WWP2: variants seen among roughly 807,000 people sequenced by gnomAD.
The protein encoded by WWP2 is WW domain containing E3 ubiquitin protein ligase 2.
In WWP2, 57 loss-of-function variants were observed where a neutral mutation model predicts 121.0. The observed-to-expected ratio is 0.47, with a 90% CI of 0.38 to 0.59. The LOEUF (loss-of-function observed/expected upper bound fraction) is 0.59, where lower values mean the gene tolerates loss of function less well. Ranked by LOEUF, WWP2 falls within the 20% of genes least tolerant of loss-of-function variation. WWP2 has a pLI of 0.00. For synonymous variants in WWP2, 449 were observed against 441.3 expected, an observed-to-expected ratio of 1.02 and a Z score of -0.22; for missense variants, 962 against 1,158.9, an observed-to-expected ratio of 0.83 and a Z score of 2.47.
rs1259160749 is a variant in WWP2, at chr16:69,912,772, C to T, written c.1004+3922C>T. ...AAATGCGAATGAACACAGCTGGGCA[C>T]GGTGGCTCACACCTGTAATAGTAGA... On this transcript the variant is annotated intron_variant, in intron 9 of 23. Transcript: ENST00000359154. 6.0e-5 allele frequency among the ~76,000 whole-genome samples: 9 copies of T among 149,698 alleles called. No homozygotes were observed. The East Asian group carries it at 1.6e-3, about 26-fold the overall frequency.
intron 8 of WWP2, among the ~76,000 whole-genome samples, chr16:69,897,481 T>C (rs1244250089): frequency 6.6e-6 from 1 of 152,226 alleles, no homozygotes; most frequent in Non-Finnish European, 1.5e-5. Flanking sequence ...GAAGCTTCCA[T>C]GAACTCTCTG....
chr16:69,854,714 A>C (rs1384549791), intron 6 of WWP2, among the ~76,000 whole-genome samples: 5 of 151,742 alleles, frequency 3.3e-5, no homozygotes, highest in African/African-American at 1.2e-4. Context: ...CCACGCCTGG[A>C]TAATTTTTGT....
chr16:69,926,862 A>T (rs868202791), intron 11 of WWP2, among the ~76,000 whole-genome samples: 45 of 152,096 alleles, frequency 3.0e-4, no homozygotes, highest in African/African-American at 9.4e-4. Flanking sequence ...TTAAACAAGA[A>T]TCTGTACTGC....
chr16:69,906,122 G>A (rs1464980067), intron 8 of WWP2, among the ~76,000 whole-genome samples: 3 of 151,486 alleles, frequency 2.0e-5, no homozygotes, highest in Admixed American at 6.6e-5. Flanking sequence ...GCCCAGACTG[G>A]AGTGCAGTGG....
chr16:69,937,131 T>G lies in WWP2; in HGVS notation c.2131T>G (p.Trp711Gly), dbSNP rs936714284. The G allele has an allele frequency of 6.2e-7, 1 of 1,613,882 alleles. No homozygotes were observed. The highest frequency in any genetic ancestry group is 8.5e-7 in the Non-Finnish European group (1 of 1,179,960). Residue 711 changes from tryptophan (W) to glycine (G), a missense_variant, in exon 20 of 24, where the codon TGG becomes GGG. Physicochemically the swap from Trp to Gly is radical, Grantham distance 184. This residue lies in a region of WWP2 where 606 missense variants were observed against 772.6 expected (regional missense o/e 0.78). Coordinates refer to ENST00000359154, the MANE Select transcript of WWP2 (RefSeq NM_001270454.2). This position sits in a 1 kb window ranked among gnomAD's most constrained non-coding sequence, Gnocchi z 6.6. ...CTTTGGTCTCAGGCTGCTGACTGAC[T>G]GGCGTTTCACCCGAGGCGTGGAAGA... ...KEEYIMLLTD[W>G]RFTRGVEEQT...
intron 4 of WWP2, among the ~76,000 whole-genome samples, chr16:69,826,451 A>T (rs191007281): frequency 3.6e-4 from 54 of 151,684 alleles, no homozygotes; most frequent in African/African-American, 1.3e-3. Context: ...GGGTGCTTGT[A>T]GTCCCAGCTA....
chr16:69,805,845 A>G lies in WWP2; in HGVS notation c.340+6550A>G, dbSNP rs544407896. 2.0e-5 allele frequency among the ~76,000 whole-genome samples: 3 copies of G among 151,398 alleles called. 1 individual carries two copies. Among genetic ancestry groups the G allele is most frequent in the African/African-American group, 7.3e-5 (3 of 41,306 alleles). Reference sequence around the variant, plus strand: ...CAGGTTGGGTGTTGACTTTGTATCAAATATCTATTAAGCAGCCATTGGAAT... The same window carrying G: ...CAGGTTGGGTGTTGACTTTGTATCAGATATCTATTAAGCAGCCATTGGAAT... On this transcript the variant is annotated intron_variant, in intron 4 of 23. Coordinates refer to ENST00000359154, the MANE Select transcript of WWP2 (RefSeq NM_001270454.2).
At chr16:69,822,257 T>C (rs2056606748) in intron 4 of WWP2, among the ~76,000 whole-genome samples, 1 of 152,154 alleles carries the variant, frequency 6.6e-6, no homozygotes, top group Admixed American at 6.6e-5. Flanking sequence ...TAGGGCATTT[T>C]CTTAGGATCA....
chr16:69,924,328 G>A (rs72785073), intron 10 of WWP2, among the ~76,000 whole-genome samples: 8,417 of 152,198 alleles, frequency 0.055, 292 homozygotes, highest in Middle Eastern at 0.092. Context: ...GTGTGGCTCC[G>A]GCACCCCTAG....
intron 10 of WWP2, among the ~76,000 whole-genome samples, chr16:69,920,648 T>A (rs2151976701): frequency 6.6e-6 from 1 of 151,944 alleles, no homozygotes; most frequent in South Asian, 2.1e-4. Context: ...AACCGAATGT[T>A]GTGGTGCACA....
Position 69,791,945 on chromosome 16 carries a change from C to T in WWP2, c.70+4865C>T, listed in dbSNP as rs2055921493. ...AATTTTCTTACCAGGGTGGAAAGAG[C>T]CAGCTTGATAATACTGGTGTATCTC... On this transcript the variant is annotated intron_variant, in intron 2 of 23. Coordinates refer to ENST00000359154, the MANE Select transcript of WWP2 (RefSeq NM_001270454.2). 2.7e-5 allele frequency among the ~76,000 whole-genome samples: 4 copies of T among 150,428 alleles called. 1 individual carries two copies. The highest frequency in any genetic ancestry group is 2.6e-4 in the Admixed American group (4 of 15,170).
intron 4 of WWP2, among the ~76,000 whole-genome samples, chr16:69,824,211 C>T (rs1458536383): frequency 6.6e-6 from 1 of 152,188 alleles, no homozygotes; most frequent in East Asian, 1.9e-4. Context: ...AACATCAGAC[C>T]TCATTTATCT....
intron 4 of WWP2, among the ~76,000 whole-genome samples, chr16:69,821,858 A>C (rs1597000678): frequency 6.9e-6 from 1 of 145,232 alleles, no homozygotes; most frequent in Non-Finnish European, 1.5e-5. Context: ...ATGCCCGGCT[A>C]TTTTTCTTTG....
At chr16:69,869,904 C>G (rs780399445) in intron 6 of WWP2, among the ~76,000 whole-genome samples, 3 of 152,294 alleles carry the variant, frequency 2.0e-5, no homozygotes, top group Admixed American at 6.5e-5. Flanking sequence ...CAGGGTCGTT[C>G]TGCTGGAGGT....
At chr16:69,870,930 T>A (rs769100523) in intron 6 of WWP2, among the ~76,000 whole-genome samples, 19 of 152,206 alleles carry the variant, frequency 1.2e-4, no homozygotes, top group Non-Finnish European at 2.4e-4. Context: ...CACACTTTTC[T>A]TTGTGATTTC....
At chr16:69,797,994 A>G (rs2056082630) in intron 2 of WWP2, among the ~76,000 whole-genome samples, 1 of 152,170 alleles carries the variant, frequency 6.6e-6, no homozygotes, top group South Asian at 2.1e-4. Flanking sequence ...CTGGGATTCC[A>G]GGCATGAGCC....
intron 4 of WWP2, among the ~76,000 whole-genome samples, chr16:69,826,956 G>C (rs377213284): frequency 0.058 from 998 of 17,320 alleles, 21 homozygotes; most frequent in African/African-American, 0.089. Context: ...AAAAAAAAAG[G>C]GGGGGGGGCG....
Position 69,793,911 on chromosome 16 carries a change from C to CTTTTTTTT in WWP2, c.71-4753_71-4746dup. Among the ~76,000 whole-genome samples, 36 of 62,312 alleles carry CTTTTTTTT rather than the reference C, an allele frequency of 5.8e-4. 1 individual carries two copies. The highest frequency in any genetic ancestry group is 1.2e-3 in the African/African-American group (20 of 16,064). 40.9% of individuals were successfully genotyped at this position (62,312 alleles called of 152,430 possible). A position where few individuals can be genotyped will look rare whatever the true frequency, so the allele number is the denominator to read the frequency against. ...TTGGGAAGGGCTGTTATTATCCTTG[C>CTTTTTTTT]TTTTTTTTTTTTTTTTTTTTTTTTT... is the stretch of plus-strand genomic sequence containing the variant. On this transcript the variant is annotated intron_variant, in intron 2 of 23. Coordinates refer to ENST00000359154, the MANE Select transcript of WWP2 (RefSeq NM_001270454.2).
In WWP2 at chr16:69,915,744, T is replaced by G. The variant is rs543759606; in HGVS notation, c.1005-1965T>G. Among the ~76,000 whole-genome samples the G allele has an allele frequency of 7.2e-5, 11 of 152,208 alleles. No individual in the cohort carries two copies. In the South Asian group the frequency reaches 2.1e-3, roughly 29 times the overall value. ...TTTATGTTTCAAAACTATATACATA[T>G]GACTTCGGGCCGGGTGCAGGGGCTC... On this transcript the variant is annotated intron_variant, in intron 9 of 23. Transcript: ENST00000359154.
Sources: gnomAD v4.1 joint callset for allele counts (sites outside exome capture counted in the v4.1 genomes callset) on GRCh38, gnomAD v4.1.1 for gene constraint, gnomAD v4.1.1 regional missense constraint, Gnocchi (gnomAD v3.1) non-coding constraint, MANE v1.5 for transcripts, NCBI Gene and HGNC (gene_info 2026-07-23, HGNC 2026-07-21) for gene names.